Variants in KAZN observed in about 807,000 individuals in gnomAD.
KAZN encodes the protein kazrin.
In KAZN, 40 loss-of-function variants were observed where a neutral mutation model predicts 87.4. The ratio of observed to expected loss-of-function variants is 0.46; its 90% CI spans 0.36 to 0.60. KAZN has a LOEUF of 0.60. KAZN is among the 20% of genes least tolerant of loss of function. The pLI, the probability that KAZN is intolerant of heterozygous loss-of-function variation, is 0.00. For missense variants in KAZN, 898 were observed against 1,073.9 expected (o/e 0.84, Z 2.29); for synonymous variants, 466 against 458.3 (o/e 1.02, Z -0.22).
intron 2 of KAZN, among the ~76,000 whole-genome samples, chr1:14,230,536 G>A (rs943513991): frequency 6.6e-6 from 1 of 152,142 alleles, no homozygotes; most frequent in African/African-American, 2.4e-5. Context: ...TCGGGTCGGA[G>A]TCCAATCCCT....
intron 5 of KAZN, among the ~76,000 whole-genome samples, chr1:15,057,899 C>T (rs1447999158): frequency 6.6e-6 from 1 of 152,232 alleles, no homozygotes; most frequent in East Asian, 1.9e-4. Flanking sequence ...TCTGCAGGGC[C>T]TCTCCTCAAT....
intron 1 of KAZN, among the ~76,000 whole-genome samples, chr1:14,704,693 A>C (rs1051947868): frequency 6.6e-6 from 1 of 152,128 alleles, no homozygotes; most frequent in Admixed American, 6.5e-5. Context: ...CTCCTCCCAG[A>C]TCCTCTTTCT....
chr1:14,638,229 G>T (rs1234329353), intron 1 of KAZN, among the ~76,000 whole-genome samples: 9 of 151,838 alleles, frequency 5.9e-5, no homozygotes, highest in Admixed American at 5.9e-4. Flanking sequence ...ACATGAATTT[G>T]GGGGGGACAC....
intron 1 of KAZN, among the ~76,000 whole-genome samples, chr1:14,705,364 A>G (rs1353139182): frequency 3.3e-5 from 5 of 152,242 alleles, no homozygotes; most frequent in Non-Finnish European, 5.9e-5. Context: ...TATGGAGAAC[A>G]GTATGGAGGT....
intron 1 of KAZN, among the ~76,000 whole-genome samples, chr1:14,156,663 T>C (rs914147723): frequency 6.6e-6 from 1 of 152,212 alleles, no homozygotes. Flanking sequence ...ACTCCGACTC[T>C]TTTTTGGTTT....
At chr1:15,075,770 G>GC (rs1033466246) in intron 8 of KAZN, among the ~76,000 whole-genome samples, 1 of 152,192 alleles carries the variant, frequency 6.6e-6, no homozygotes, top group African/African-American at 2.4e-5. Flanking sequence ...CGACAGATTG[G>GC]CTTGGAAATG....
At chr1:15,063,423 G>A in intron 6 of KAZN, 149 bp from the exon 7 acceptor site, 2 of 689,190 alleles carry the variant, frequency 2.9e-6, no homozygotes, top group Non-Finnish European at 5.3e-6. Context: ...TGCTTCAGGA[G>A]ATGGGGGGTG....
intron 2 of KAZN, among the ~76,000 whole-genome samples, chr1:14,456,163 G>A (rs1475606511): frequency 6.6e-6 from 1 of 152,222 alleles, no homozygotes; most frequent in African/African-American, 2.4e-5. Flanking sequence ...CCATTACTAT[G>A]TAACACATTG....
chr1:15,017,284 C>T (rs1289648725), intron 2 of KAZN, among the ~76,000 whole-genome samples: 2 of 151,796 alleles, frequency 1.3e-5, no homozygotes, highest in African/African-American at 2.4e-5. Context: ...CGCAACAGAG[C>T]GAGATTCAGT....
At chr1:14,770,010 G>C (rs754890932) in intron 1 of KAZN, among the ~76,000 whole-genome samples, 2 of 152,158 alleles carry the variant, frequency 1.3e-5, no homozygotes, top group Admixed American at 6.5e-5. Context: ...AGTGGGAGCA[G>C]GATGTGCAAA....
At position 14,923,935 on chromosome 1, in the gene KAZN, C is replaced by T. The variant is rs886184720; in HGVS notation, c.227-36749C>T. Among the ~76,000 whole-genome samples, 2 of 152,038 alleles carry T rather than the reference C, an allele frequency of 1.3e-5. No homozygotes were observed. Among genetic ancestry groups the T allele is most frequent in the African/African-American group, 4.8e-5 (2 of 41,426 alleles). Reference sequence around the variant, plus strand: ...GACATCGGCCGTCTTTCTGACCCTCCGTGTCCCCGGGAATGACCGCGTCGG... The same window carrying T: ...GACATCGGCCGTCTTTCTGACCCTCTGTGTCCCCGGGAATGACCGCGTCGG... On this transcript the variant is annotated intron_variant, in intron 1 of 14. Coordinates refer to ENST00000376030, the MANE Select transcript of KAZN (RefSeq NM_201628.3). The surrounding 1 kb of genome is among the most constrained non-coding windows in gnomAD (Gnocchi z 4.2).
intron 2 of KAZN, among the ~76,000 whole-genome samples, chr1:14,372,087 A>G (rs1465238633): frequency 2.0e-5 from 3 of 152,230 alleles, no homozygotes; most frequent in African/African-American, 7.2e-5. Context: ...CAGACTGAAA[A>G]CAAGTTCATA....
At chr1:14,437,905 C>T (rs1666491155) in intron 2 of KAZN, among the ~76,000 whole-genome samples, 2 of 152,086 alleles carry the variant, frequency 1.3e-5, no homozygotes, top group African/African-American at 4.8e-5. Flanking sequence ...CTGCCATCAT[C>T]CCATCCAGAG....
At chr1:14,619,459 C>T (rs1678521816) in intron 1 of KAZN, among the ~76,000 whole-genome samples, 1 of 152,142 alleles carries the variant, frequency 6.6e-6, no homozygotes, top group Admixed American at 6.5e-5. Flanking sequence ...CCTCAGCCCC[C>T]AAAGCACTGG....
intron 1 of KAZN, among the ~76,000 whole-genome samples, chr1:14,838,194 G>T (rs1415561081): frequency 6.6e-6 from 1 of 152,212 alleles, no homozygotes; most frequent in East Asian, 1.9e-4. Flanking sequence ...CAAAAGAGCT[G>T]TGGCTGTGTG....
At position 14,789,760 on chromosome 1, in the gene KAZN, CAAAAAAAAAAAAAAAAAAAAA is replaced by C. The variant is rs3032757; in HGVS notation, c.227-170907_227-170887del. 3.9e-4 allele frequency among the ~76,000 whole-genome samples: 18 copies of C among 46,252 alleles called. 1 individual carries two copies. Among genetic ancestry groups the C allele is most frequent in the South Asian group, 2.5e-3 (2 of 798 alleles). The allele number at this position is 46,252 out of a possible 152,430, so 30.3% of individuals were successfully genotyped here. On this transcript the variant is annotated intron_variant, in intron 1 of 14. Transcript: ENST00000376030. ...GCAAGGACTCTAAGCTCCTCATTAC[CAAAAAAAAAAAAAAAAAAAAA>C]AAAAAAAAAAAAAAAATCCCTAGAG...
chr1:14,541,193 A>G (rs1417418597), intron 2 of KAZN, among the ~76,000 whole-genome samples: 1 of 152,306 alleles, frequency 6.6e-6, no homozygotes, highest in South Asian at 2.1e-4. Context: ...AATGTTAACC[A>G]TTTATCCTAC....
chr1:14,200,788 T>C (rs1463902898), intron 2 of KAZN, among the ~76,000 whole-genome samples: 3 of 152,178 alleles, frequency 2.0e-5, no homozygotes, highest in Non-Finnish European at 4.4e-5. Flanking sequence ...CTGATTCATA[T>C]TGCAATCCTC....
At chr1:14,458,921 G>A (rs1459904229) in intron 2 of KAZN, among the ~76,000 whole-genome samples, 1 of 152,062 alleles carries the variant, frequency 6.6e-6, no homozygotes, top group Non-Finnish European at 1.5e-5. Context: ...ACTTAAAATT[G>A]GACTCAGTCT....
Sources: allele counts gnomAD v4.1 joint callset (sites outside exome capture counted in the v4.1 genomes callset), GRCh38; gene constraint gnomAD v4.1.1; non-coding constraint Gnocchi (gnomAD v3.1); transcripts MANE v1.5; gene names NCBI Gene and HGNC (gene_info 2026-07-23, HGNC 2026-07-21).